The following TENM3 variants were observed in gnomAD, a reference collection of about 807,000 sequenced individuals.
TENM3 encodes the protein teneurin transmembrane protein 3.
Under a neutral mutation model 255.1 loss-of-function variants are expected in TENM3, and 63 were observed. The observed-to-expected ratio is 0.25, with a 90% CI of 0.20 to 0.30. The LOEUF is 0.30. Among genes scored for constraint, TENM3 ranks in the 10% least tolerant of loss-of-function variants. TENM3 has a pLI of 1.00. For synonymous variants in TENM3, 1,306 were observed against 1,322.3 expected (o/e 0.99, Z 0.27); for missense variants, 2,929 against 3,461.1 (o/e 0.85, Z 3.86).
Position 182,662,677 on chromosome 4 carries a change from A to G in TENM3, c.1111+8784A>G, listed in dbSNP as rs1483043273. On this transcript the variant is annotated intron_variant, in intron 6 of 27. Transcript: ENST00000511685. ...CCTTTTTTTATTTCTTCTGAAGCCA[A>G]AGTTTTCTGGAATTCGGGACATGAT... Among the ~76,000 whole-genome samples the G allele has an allele frequency of 3.9e-5, 6 of 152,108 alleles. No homozygotes were observed. The South Asian group carries it at 6.2e-4, about 16-fold the overall frequency.
chr4:182,104,107 T>TAAAC, the TENM3 span, among the ~76,000 whole-genome samples: 78 of 152,238 alleles, frequency 5.1e-4, no homozygotes, highest in South Asian at 1.2e-3. Flanking sequence ...TACGGTGGTG[T>TAAAC]AAACACTCAC....
chr4:181,523,975 G>A, the TENM3 span, among the ~76,000 whole-genome samples: 3 of 152,112 alleles, frequency 2.0e-5, no homozygotes, highest in Non-Finnish European at 4.4e-5. Flanking sequence ...GAAACAAAAG[G>A]CCATTCAATT....
chr4:182,343,800 C>G (rs1230636439), intron 2 of TENM3, among the ~76,000 whole-genome samples: 4 of 152,118 alleles, frequency 2.6e-5, no homozygotes, highest in African/African-American at 9.7e-5. Context: ...CTAATTTATT[C>G]TAGTTTAAGG....
chr4:182,506,957 A>G (rs927659428), intron 3 of TENM3, among the ~76,000 whole-genome samples: 1 of 152,192 alleles, frequency 6.6e-6, no homozygotes, highest in African/African-American at 2.4e-5. Flanking sequence ...TTTAATCTTC[A>G]TAGGCACATA....
At chr4:181,612,475 GATTC>G in the TENM3 span, among the ~76,000 whole-genome samples, 1 of 147,358 alleles carries the variant, frequency 6.8e-6, no homozygotes, top group Non-Finnish European at 1.5e-5. Flanking sequence ...AGATCCAAAT[GATTC>G]TTTGGTTAAG....
chr4:182,110,161 A>G, the TENM3 span, among the ~76,000 whole-genome samples: 1 of 151,680 alleles, frequency 6.6e-6, no homozygotes, highest in Non-Finnish European at 1.5e-5. Context: ...GTGTCCATGA[A>G]TAAAAGGTCG....
chr4:181,536,665 C>A, the TENM3 span, among the ~76,000 whole-genome samples: 1 of 152,316 alleles, frequency 6.6e-6, no homozygotes, highest in South Asian at 2.1e-4. Flanking sequence ...TAGACACATG[C>A]ACCATTGAAT....
the TENM3 span, among the ~76,000 whole-genome samples, chr4:181,783,114 A>G: frequency 6.6e-6 from 1 of 152,042 alleles, no homozygotes; most frequent in Admixed American, 6.6e-5. Flanking sequence ...TGGGGTGGAG[A>G]GTTCTGTAGA....
chr4:181,723,500 C>T, the TENM3 span, among the ~76,000 whole-genome samples: 1 of 151,884 alleles, frequency 6.6e-6, no homozygotes, highest in Non-Finnish European at 1.5e-5. Context: ...CTTTATTCTG[C>T]CCCCAGTTGA....
chr4:182,054,089 T>A, the TENM3 span, among the ~76,000 whole-genome samples: 1 of 152,122 alleles, frequency 6.6e-6, no homozygotes, highest in Non-Finnish European at 1.5e-5. Flanking sequence ...CCTGCCCTCA[T>A]TTACCTTTTC....
chr4:181,704,533 A>T, the TENM3 span, among the ~76,000 whole-genome samples: 23 of 152,236 alleles, frequency 1.5e-4, no homozygotes, highest in African/African-American at 5.3e-4. Context: ...TTCAGATACA[A>T]ATTATTTTTT....
intron 3 of TENM3, among the ~76,000 whole-genome samples, chr4:182,405,220 G>A (rs1208442239): frequency 1.3e-5 from 2 of 152,138 alleles, no homozygotes; most frequent in Admixed American, 6.5e-5. Context: ...CCCAGCCGCC[G>A]TCCTGGAACA....
Position 182,754,984 on chromosome 4 carries a change from T to A in TENM3, c.4617T>A (p.Gly1539=). Residue 1539 remains glycine (G), a synonymous_variant, in exon 22 of 28, where the codon GGT becomes GGA. Transcript: ENST00000511685. The surrounding 1 kb of genome is among the most constrained non-coding windows in gnomAD (Gnocchi z 5.1). ...THQYTVSLVT[G]DYLYNFSYSN... ...AATATACTGTAAGTTTAGTCACTGG[T>A]GATTACCTTTACAATTTTAGCTACA... 6.2e-7 allele frequency: 1 copy of A among 1,614,004 alleles called. No homozygotes were observed. The highest frequency in any genetic ancestry group is 8.5e-7 in the Non-Finnish European group (1 of 1,179,872).
At chr4:181,561,647 A>C in the TENM3 span, among the ~76,000 whole-genome samples, 1 of 152,176 alleles carries the variant, frequency 6.6e-6, no homozygotes. Context: ...TGATTTTTAC[A>C]TTCTAGATAT....
At chr4:182,047,858 T>C in the TENM3 span, among the ~76,000 whole-genome samples, 1 of 152,150 alleles carries the variant, frequency 6.6e-6, no homozygotes, top group East Asian at 1.9e-4. Flanking sequence ...TGACGTTATT[T>C]ATGAGATACA....
the TENM3 span, among the ~76,000 whole-genome samples, chr4:181,531,209 G>C: frequency 1.3e-5 from 2 of 152,080 alleles, no homozygotes; most frequent in African/African-American, 4.8e-5. Context: ...GAATAAAAGT[G>C]GTTCAAATTA....
intron 3 of TENM3, among the ~76,000 whole-genome samples, chr4:182,513,083 G>A (rs1255482825): frequency 1.3e-5 from 2 of 152,128 alleles, no homozygotes; most frequent in Non-Finnish European, 2.9e-5. Flanking sequence ...TAATCCATGG[G>A]AAGGAAGAAG....
chr4:182,680,338 A>T lies in TENM3; in HGVS notation c.1628A>T (p.Asp543Val), dbSNP rs1373314003. Residue 543 changes from aspartate to valine, a missense_variant, in exon 9 of 28, where the codon GAT becomes GTT. Coordinates refer to ENST00000511685, the MANE Select transcript of TENM3 (RefSeq NM_001080477.4). ...CHCFPGFLGP[D>V]CSRAACPVLC... Reference sequence around the variant, plus strand: ...TGTTTTCCAGGATTTCTGGGTCCGGATTGTTCAAGAGGTATGCAAGTTAGA... The same window carrying T: ...TGTTTTCCAGGATTTCTGGGTCCGGTTTGTTCAAGAGGTATGCAAGTTAGA... The T allele has an allele frequency of 6.3e-7, 1 of 1,596,934 alleles. No homozygotes were observed. The highest frequency in any genetic ancestry group is 1.3e-5 in the African/African-American group (1 of 74,378).
chr4:182,717,823 G>A (rs1759326937), intron 13 of TENM3, among the ~76,000 whole-genome samples: 2 of 152,178 alleles, frequency 1.3e-5, no homozygotes, highest in South Asian at 2.1e-4. Context: ...GAAGACAACA[G>A]TCCTGTAAAT....
Sources: allele counts gnomAD v4.1 joint callset (sites outside exome capture counted in the v4.1 genomes callset), GRCh38; gene constraint gnomAD v4.1.1; non-coding constraint Gnocchi (gnomAD v3.1); transcripts MANE v1.5; gene names NCBI Gene and HGNC (gene_info 2026-07-23, HGNC 2026-07-21).